USP34: variants seen among roughly 807,000 people sequenced by gnomAD.
The protein encoded by USP34 is ubiquitin carboxyl-terminal hydrolase 34.
USP34 carries 70 observed loss-of-function variants against 460.3 expected under a neutral mutation model. The observed-to-expected ratio is 0.15, with a 90% confidence interval of 0.13 to 0.19. The LOEUF (loss-of-function observed/expected upper bound fraction) is 0.19, where lower values mean the gene tolerates loss of function less well. Among genes scored for constraint, USP34 ranks in the 10% least tolerant of loss-of-function variants. The pLI is 1.00. For missense variants in USP34, 3,985 were observed against 4,236.2 expected (o/e 0.94, Z 1.65); for synonymous variants, 1,647 against 1,405.3 (o/e 1.17, Z -3.85).
chr2:61,334,832 A>G (rs1691369592), intron 18 of USP34, among the ~76,000 whole-genome samples: 1 of 152,156 alleles, frequency 6.6e-6, no homozygotes. Context: ...CTCCTACCCT[A>G]AAGGAATGCT....
At chr2:61,294,463 G>T (rs1007741591) in intron 32 of USP34, among the ~76,000 whole-genome samples, 1 of 151,920 alleles carries the variant, frequency 6.6e-6, no homozygotes, top group Non-Finnish European at 1.5e-5. Context: ...TTGCTGCCCA[G>T]GCTGGAGTGC....
At chr2:61,294,434 T>G (rs1481589064) in intron 32 of USP34, among the ~76,000 whole-genome samples, 1 of 152,124 alleles carries the variant, frequency 6.6e-6, no homozygotes, top group African/African-American at 2.4e-5. Context: ...CACTGGGATG[T>G]CCTCACAGTA....
chr2:61,243,807 C>A (rs1688344806), intron 51 of USP34, among the ~76,000 whole-genome samples: 1 of 150,956 alleles, frequency 6.6e-6, no homozygotes, highest in South Asian at 2.1e-4. Flanking sequence ...AAGTTGGAGG[C>A]TGCAGTGAGC....
At chr2:61,257,414 A>G in intron 44 of USP34, 64 bp from the exon 45 acceptor site, 1 of 1,398,426 alleles carries the variant, frequency 7.2e-7, no homozygotes, top group Non-Finnish European at 9.5e-7. Flanking sequence ...AGGTTCTTCA[A>G]TGAACATATA....
intron 74 of USP34, 110 bp from the exon 75 acceptor site, chr2:61,203,373 A>T (rs188771203): frequency 2.7e-5 from 30 of 1,093,404 alleles, no homozygotes; most frequent in Non-Finnish European, 3.5e-5. Flanking sequence ...TTTATATTCT[A>T]TAAGAACCTA....
At chr2:61,348,563 T>TA in intron 14 of USP34, 83 bp from the exon 15 acceptor site, 1 of 1,505,124 alleles carries the variant, frequency 6.6e-7, no homozygotes, top group Non-Finnish European at 8.8e-7. Flanking sequence ...CTGTACTTTT[T>TA]AAAAAGGCTG....
At chr2:61,370,727 A>AGT in intron 8 of USP34, 148 bp from the exon 9 acceptor site, 1 of 657,072 alleles carries the variant, frequency 1.5e-6, no homozygotes, top group South Asian at 2.1e-5. Flanking sequence ...ACTACAAAGC[A>AGT]TAACTAGAAT....
chr2:61,424,261 AAT>A (rs1159564120), intron 1 of USP34, among the ~76,000 whole-genome samples: 2 of 152,182 alleles, frequency 1.3e-5, no homozygotes, highest in African/African-American at 4.8e-5. Flanking sequence ...AACTGTACTG[AAT>A]ACTCTAGGCA....
chr2:61,260,891 C>A (rs1688858432), intron 43 of USP34, among the ~76,000 whole-genome samples: 1 of 151,008 alleles, frequency 6.6e-6, no homozygotes, highest in Non-Finnish European at 1.5e-5. Context: ...TAAAGTCAAG[C>A]AACAACAAGG....
At chr2:61,331,533 TA>T (rs1414178767) in intron 19 of USP34, among the ~76,000 whole-genome samples, 162 bp from the exon 20 acceptor site, 1 of 152,062 alleles carries the variant, frequency 6.6e-6, no homozygotes, top group Non-Finnish European at 1.5e-5. Context: ...TGAAAAGATA[TA>T]AAGCAATGTT....
At chr2:61,323,693 T>C (rs983493384) in intron 21 of USP34, among the ~76,000 whole-genome samples, 3 of 152,132 alleles carry the variant, frequency 2.0e-5, no homozygotes, top group African/African-American at 4.8e-5. Flanking sequence ...CTATTGTCTA[T>C]TGTAAATTCT....
At chr2:61,376,239 C>T (rs1027397045) in intron 8 of USP34, among the ~76,000 whole-genome samples, 1 of 147,866 alleles carries the variant, frequency 6.8e-6, no homozygotes, top group Admixed American at 6.6e-5. Flanking sequence ...TTAAAAATAC[C>T]CAATTCACAG....
chr2:61,418,969 A>T (rs969674021), intron 2 of USP34, among the ~76,000 whole-genome samples: 1 of 152,184 alleles, frequency 6.6e-6, no homozygotes, highest in Non-Finnish European at 1.5e-5. Context: ...AATTTTAACA[A>T]TTTTAATTAA....
At chr2:61,427,279 T>C (rs936874344) in intron 1 of USP34, among the ~76,000 whole-genome samples, 1 of 152,166 alleles carries the variant, frequency 6.6e-6, no homozygotes, top group African/African-American at 2.4e-5. Context: ...CCACCCGCCT[T>C]GGCCTCCCAA....
At chr2:61,212,401 TTTAA>T (rs1338794968) in intron 68 of USP34, among the ~76,000 whole-genome samples, 6 of 152,246 alleles carry the variant, frequency 3.9e-5, no homozygotes, top group East Asian at 3.8e-4. Flanking sequence ...CCACTTTTTC[TTTAA>T]TTAATGAGAA....
intron 29 of USP34, among the ~76,000 whole-genome samples, chr2:61,298,527 G>A (rs1306756110): frequency 1.3e-5 from 1 of 75,490 alleles, no homozygotes; most frequent in African/African-American, 5.1e-5. Flanking sequence ...GACAGAGTGA[G>A]ACTCTGTCTC....
At position 61,229,457 on chromosome 2, in the gene USP34, T is replaced by TAAAAAAAAAAAAAA. The variant is rs57231258; in HGVS notation, c.7199+77_7199+90dup. ...GGCAACATGAAGAAACCCTATCTCT[T>TAAAAAAAAAAAAAA]AAAAAAAAAAAAAAAAAACAAAAAA... On this transcript the variant is annotated intron_variant, in intron 59 of 79. Coordinates refer to ENST00000398571, the MANE Select transcript of USP34 (RefSeq NM_014709.4). 5.6e-4 allele frequency: 213 copies of TAAAAAAAAAAAAAA among 381,906 alleles called. 3 individuals are homozygous for TAAAAAAAAAAAAAA. The highest frequency in any genetic ancestry group is 8.7e-4 in the South Asian group (22 of 25,314). The allele number at this position is 381,906 out of a possible 1,614,324, so 23.7% of individuals were successfully genotyped here. A position where few individuals can be genotyped will look rare whatever the true frequency, so the allele number is the denominator to read the frequency against.
At chr2:61,465,836 G>C (rs1695745831) in intron 1 of USP34, among the ~76,000 whole-genome samples, 1 of 152,054 alleles carries the variant, frequency 6.6e-6, no homozygotes, top group African/African-American at 2.4e-5. Flanking sequence ...AATTAGCCGG[G>C]CGTGGTAGCG....
Position 61,340,582 on chromosome 2 carries a change from CTTAATTTCACATACCTATTT to C in USP34, c.2501-921_2501-902del, listed in dbSNP as rs1191475286. 3.3e-5 allele frequency among the ~76,000 whole-genome samples: 5 copies of C among 152,166 alleles called. No individual in the cohort carries two copies. The East Asian group carries it at 5.8e-4, about 18-fold the overall frequency. On this transcript the variant is annotated intron_variant, in intron 16 of 79. Transcript: ENST00000398571. ...TCCCTAACACCGTAGTACTGTCACTCTTAATTTCACATACCTATTTTTAATTTCACATACCTATTAAGGTA... is the reference window on the plus strand; with the variant it reads ...TCCCTAACACCGTAGTACTGTCACTCTTAATTTCACATACCTATTAAGGTA...
Sources: allele counts gnomAD v4.1 joint callset (sites outside exome capture counted in the v4.1 genomes callset), GRCh38; gene constraint gnomAD v4.1.1; transcripts MANE v1.5; gene names NCBI Gene and HGNC (gene_info 2026-07-23, HGNC 2026-07-21).